The following SH3GL2 variants were observed in gnomAD, a reference collection of about 807,000 sequenced individuals.
SH3GL2 encodes the protein endophilin-A1.
SH3GL2 carries 24 observed loss-of-function variants against 46.0 expected under a neutral mutation model. The ratio of observed to expected loss-of-function variants is 0.52; its 90% CI spans 0.38 to 0.73. The LOEUF (loss-of-function observed/expected upper bound fraction) is 0.73, where lower values mean the gene tolerates loss of function less well. Among genes scored for constraint, SH3GL2 ranks in the 30% least tolerant of loss-of-function variants. The probability of loss-of-function intolerance (pLI) is 0.00; values close to 1 mark genes in which losing one functional copy is unlikely to be tolerated. For synonymous variants in SH3GL2, 196 were observed against 147.1 expected (o/e 1.33, Z -2.40); for missense variants, 413 against 424.2 (o/e 0.97, Z 0.23).
At position 17,677,407 on chromosome 9, in the gene SH3GL2, A is replaced by G. The variant is rs542481566; in HGVS notation, c.46-69659A>G. Reference sequence around the variant, plus strand: ...AATTTTAGAGTGGATGCTTTGAAATATTATCAATGACAAGATTTTAGCATT... The same window carrying G: ...AATTTTAGAGTGGATGCTTTGAAATGTTATCAATGACAAGATTTTAGCATT... On this transcript the variant is annotated intron_variant, in intron 1 of 8. Coordinates refer to ENST00000380607, the MANE Select transcript of SH3GL2 (RefSeq NM_003026.5). 1.8e-4 allele frequency among the ~76,000 whole-genome samples: 27 copies of G among 152,220 alleles called. No individual in the cohort carries two copies. In the South Asian group the frequency reaches 5.6e-3, roughly 32 times the overall value.
At chr9:17,584,603 A>T (rs761100500) in intron 1 of SH3GL2, among the ~76,000 whole-genome samples, 1 of 152,238 alleles carries the variant, frequency 6.6e-6, no homozygotes, top group African/African-American at 2.4e-5. Flanking sequence ...AGGATGCCTG[A>T]TCAAAATGCA....
At chr9:17,596,496 A>G (rs1339735646) in intron 1 of SH3GL2, among the ~76,000 whole-genome samples, 1 of 152,128 alleles carries the variant, frequency 6.6e-6, no homozygotes, top group Non-Finnish European at 1.5e-5. Flanking sequence ...GTTCAGCCTC[A>G]TTCTCCAGCC....
intron 2 of SH3GL2, among the ~76,000 whole-genome samples, chr9:17,758,982 C>T (rs1823090825): frequency 6.6e-6 from 1 of 152,182 alleles, no homozygotes; most frequent in South Asian, 2.1e-4. Context: ...TCCCCAGGGT[C>T]TCTGGGTCTT....
chr9:17,687,379 G>C (rs763402696), intron 1 of SH3GL2, among the ~76,000 whole-genome samples: 1 of 152,084 alleles, frequency 6.6e-6, no homozygotes, highest in African/African-American at 2.4e-5. Context: ...AGCCTTAAAA[G>C]TCATTGAAGT....
intron 1 of SH3GL2, among the ~76,000 whole-genome samples, chr9:17,644,037 T>C (rs1819747507): frequency 6.6e-6 from 1 of 152,324 alleles, no homozygotes; most frequent in Non-Finnish European, 1.5e-5. Context: ...TTCAGGGATT[T>C]GACTTCTTCC....
chr9:17,602,947 A>G (rs1231980889), intron 1 of SH3GL2, among the ~76,000 whole-genome samples: 1 of 152,184 alleles, frequency 6.6e-6, no homozygotes, highest in Admixed American at 6.5e-5. Flanking sequence ...ACTTGAGATT[A>G]ATTTCTTTAG....
intron 1 of SH3GL2, among the ~76,000 whole-genome samples, chr9:17,678,968 T>G (rs1316761901): frequency 6.6e-6 from 1 of 152,208 alleles, no homozygotes; most frequent in Non-Finnish European, 1.5e-5. Context: ...TTCTGAGGCC[T>G]CTGTTCTGTT....
At position 17,615,464 on chromosome 9, in the gene SH3GL2, G is replaced by C. The variant is rs924087898; in HGVS notation, c.45+36177G>C. ...GAGGCCGGGAGATTGAGACTATCCTGGCTAACACAGTGAAACCCCGTCTCT... is the reference window on the plus strand; with the variant it reads ...GAGGCCGGGAGATTGAGACTATCCTCGCTAACACAGTGAAACCCCGTCTCT... On this transcript the variant is annotated intron_variant, in intron 1 of 8. Coordinates refer to ENST00000380607, the MANE Select transcript of SH3GL2 (RefSeq NM_003026.5). Among the ~76,000 whole-genome samples, 3 of 151,950 alleles carry C rather than the reference G, an allele frequency of 2.0e-5. No homozygotes were observed. In the South Asian group the frequency reaches 6.2e-4, roughly 32 times the overall value.
chr9:17,634,886 G>C (rs1819507827), intron 1 of SH3GL2, among the ~76,000 whole-genome samples: 2 of 152,190 alleles, frequency 1.3e-5, no homozygotes, highest in Admixed American at 1.3e-4. Context: ...TAAGCATTCT[G>C]ATGCTATAGT....
At chr9:17,698,350 G>T (rs1021891522) in intron 1 of SH3GL2, among the ~76,000 whole-genome samples, 4 of 152,158 alleles carry the variant, frequency 2.6e-5, no homozygotes, top group African/African-American at 9.7e-5. Flanking sequence ...TCATACAGAG[G>T]TAGCTTTCCA....
chr9:17,652,302 T>C (rs1322316619), intron 1 of SH3GL2, among the ~76,000 whole-genome samples: 2 of 152,084 alleles, frequency 1.3e-5, no homozygotes, highest in Admixed American at 1.3e-4. Flanking sequence ...ATTTCTTCTT[T>C]AAATCATTAT....
At chr9:17,772,731 A>G (rs9407856) in intron 3 of SH3GL2, among the ~76,000 whole-genome samples, 15,400 of 152,244 alleles carry the variant, frequency 0.1, 871 homozygotes, top group Non-Finnish European at 0.11. Flanking sequence ...CAATTTTTAT[A>G]TAGATTCACC....
chr9:17,637,345 A>G (rs566322003), intron 1 of SH3GL2, among the ~76,000 whole-genome samples: 8 of 152,306 alleles, frequency 5.3e-5, no homozygotes, highest in African/African-American at 1.7e-4. Context: ...TTAAATTCCC[A>G]GTCTTACATA....
chr9:17,656,457 A>G (rs977629162), intron 1 of SH3GL2, among the ~76,000 whole-genome samples: 1 of 152,110 alleles, frequency 6.6e-6, no homozygotes, highest in Non-Finnish European at 1.5e-5. Flanking sequence ...AGTGCTTTGT[A>G]GATTGCAAGT....
chr9:17,752,646 C>T (rs1263468240), intron 2 of SH3GL2, among the ~76,000 whole-genome samples: 1 of 152,104 alleles, frequency 6.6e-6, no homozygotes, highest in Non-Finnish European at 1.5e-5. Flanking sequence ...TACCAGCACA[C>T]ACCACCATGC....
chr9:17,603,257 T>C (rs1486792307), intron 1 of SH3GL2, among the ~76,000 whole-genome samples: 1 of 152,194 alleles, frequency 6.6e-6, no homozygotes, highest in Non-Finnish European at 1.5e-5. Context: ...TTGACCATAG[T>C]CAAGAGGTGG....
chr9:17,612,980 G>C (rs1230902817), intron 1 of SH3GL2, among the ~76,000 whole-genome samples: 3 of 152,100 alleles, frequency 2.0e-5, no homozygotes, highest in Non-Finnish European at 2.9e-5. Context: ...TTTTTTCACA[G>C]TTTATCCATC....
intron 1 of SH3GL2, among the ~76,000 whole-genome samples, chr9:17,635,373 C>T (rs1448459404): frequency 6.6e-6 from 1 of 152,086 alleles, no homozygotes; most frequent in Admixed American, 6.5e-5. Context: ...TTTTCTTTAT[C>T]CAGTCTATCA....
chr9:17,671,318 G>C (rs1319449396), intron 1 of SH3GL2, among the ~76,000 whole-genome samples: 2 of 151,722 alleles, frequency 1.3e-5, no homozygotes, highest in Non-Finnish European at 2.9e-5. Context: ...TTTTTAAGAA[G>C]AGTTAAATAT....
Sources: allele counts gnomAD v4.1 joint callset (sites outside exome capture counted in the v4.1 genomes callset), GRCh38; gene constraint gnomAD v4.1.1; transcripts MANE v1.5; gene names NCBI Gene and HGNC (gene_info 2026-07-23, HGNC 2026-07-21).